The following METTL15 variants were observed in gnomAD, a reference collection of about 807,000 sequenced individuals.
METTL15 encodes 12S rRNA N(4)-cytidine methyltransferase METTL15.
METTL15 carries 34 observed loss-of-function variants against 38.3 expected under a neutral mutation model. That is an observed-to-expected ratio of 0.89 (90% CI 0.68 to 1.18). The LOEUF is 1.18. METTL15 is among the 50% of genes most tolerant of loss of function. The pLI is 0.00. For missense variants in METTL15, 438 were observed against 498.4 expected, an observed-to-expected ratio of 0.88 and a Z score of 1.15; for synonymous variants, 162 against 170.9, an observed-to-expected ratio of 0.95 and a Z score of 0.41.
At chr11:28,282,708 G>C (rs927048977) in intron 4 of METTL15, among the ~76,000 whole-genome samples, 1 of 151,786 alleles carries the variant, frequency 6.6e-6, no homozygotes, top group Non-Finnish European at 1.5e-5. Context: ...TCTTCCTTTG[G>C]AAAAACTTGG....
chr11:28,375,360 T>G (rs1850296647), intron 5 of METTL15, among the ~76,000 whole-genome samples: 1 of 151,916 alleles, frequency 6.6e-6, no homozygotes, highest in Admixed American at 6.6e-5. Context: ...TATTGGTCTA[T>G]TCAGAGATTC....
chr11:28,376,190 G>T (rs1850309695), intron 5 of METTL15, among the ~76,000 whole-genome samples: 1 of 151,836 alleles, frequency 6.6e-6, no homozygotes, highest in Admixed American at 6.6e-5. Context: ...GGTCCGCTTG[G>T]TGCAGAGCTG....
chr11:28,394,705 T>C (rs1261059225), intron 5 of METTL15, among the ~76,000 whole-genome samples: 2 of 152,134 alleles, frequency 1.3e-5, no homozygotes, highest in African/African-American at 2.4e-5. Context: ...TTCATCTTTT[T>C]AAAGACATTA....
At chr11:28,115,260 T>C (rs1851890298) in intron 3 of METTL15, among the ~76,000 whole-genome samples, 1 of 151,798 alleles carries the variant, frequency 6.6e-6, no homozygotes, top group Admixed American at 6.6e-5. Flanking sequence ...TTCTTTCTCG[T>C]TTTCTTTTTT....
intron 3 of METTL15, among the ~76,000 whole-genome samples, chr11:28,135,166 T>A (rs1157289573): frequency 6.6e-6 from 1 of 152,216 alleles, no homozygotes; most frequent in Non-Finnish European, 1.5e-5. Context: ...GAAGCATAAT[T>A]TTTCTTTCTT....
At chr11:28,377,841 A>C (rs1265371976) in intron 5 of METTL15, among the ~76,000 whole-genome samples, 1 of 151,294 alleles carries the variant, frequency 6.6e-6, no homozygotes, top group Non-Finnish European at 1.5e-5. Flanking sequence ...TTTGGTGTGG[A>C]TGTCCTTTCT....
chr11:28,245,798 C>G (rs1854485754), intron 4 of METTL15, among the ~76,000 whole-genome samples: 1 of 152,060 alleles, frequency 6.6e-6, no homozygotes, highest in Non-Finnish European at 1.5e-5. Flanking sequence ...CTTCACGTGG[C>G]TGGCAGGAAG....
chr11:28,197,738 A>T (rs968392574), intron 3 of METTL15, among the ~76,000 whole-genome samples: 1 of 152,092 alleles, frequency 6.6e-6, no homozygotes, highest in Non-Finnish European at 1.5e-5. Context: ...GCACACATAG[A>T]CACTCTGGGT....
intron 3 of METTL15, among the ~76,000 whole-genome samples, chr11:28,150,497 GA>G (rs1185034286): frequency 6.6e-6 from 1 of 151,714 alleles, no homozygotes; most frequent in Non-Finnish European, 1.5e-5. Flanking sequence ...ACACTGAGAA[GA>G]AAATTAAAAG....
intron 6 of METTL15, among the ~76,000 whole-genome samples, chr11:28,483,030 T>C (rs952940299): frequency 1.3e-5 from 2 of 150,528 alleles, no homozygotes; most frequent in African/African-American, 5.0e-5. Flanking sequence ...CATACTTCAG[T>C]GAACATGAAA....
intron 4 of METTL15, among the ~76,000 whole-genome samples, chr11:28,281,243 G>A (rs1167925297): frequency 6.6e-6 from 1 of 151,966 alleles, no homozygotes; most frequent in Non-Finnish European, 1.5e-5. Flanking sequence ...ATTTTTTGTT[G>A]ACCTTTCTAC....
intron 6 of METTL15, among the ~76,000 whole-genome samples, chr11:28,521,252 T>C (rs1016057309): frequency 9.2e-5 from 14 of 152,230 alleles, no homozygotes; most frequent in Non-Finnish European, 1.8e-4. Context: ...TCTTACTGGG[T>C]TTTATTGTGT....
intron 6 of METTL15, among the ~76,000 whole-genome samples, chr11:28,306,791 G>T (rs1469666776): frequency 6.6e-6 from 1 of 151,938 alleles, no homozygotes. Context: ...ATATTTTTGG[G>T]ACTGAGAGGG....
intron 6 of METTL15, among the ~76,000 whole-genome samples, chr11:28,307,608 C>A (rs1200846776): frequency 1.3e-5 from 2 of 151,888 alleles, no homozygotes; most frequent in African/African-American, 2.4e-5. Context: ...GTAAATCAGG[C>A]TAAATATGCC....
chr11:28,368,389 A>T (rs554854948), intron 5 of METTL15, among the ~76,000 whole-genome samples: 1 of 152,300 alleles, frequency 6.6e-6, no homozygotes, highest in Non-Finnish European at 1.5e-5. Context: ...CAGCCAACAG[A>T]CATACGAAAA....
At chr11:28,115,864 A>G (rs1851921643) in intron 3 of METTL15, among the ~76,000 whole-genome samples, 2 of 151,714 alleles carry the variant, frequency 1.3e-5, no homozygotes, top group Admixed American at 1.3e-4. Context: ...GTATACCCAT[A>G]CACATATATA....
chr11:28,268,509 ACT>A (rs1405781682), intron 4 of METTL15, among the ~76,000 whole-genome samples: 1 of 151,924 alleles, frequency 6.6e-6, no homozygotes, highest in Non-Finnish European at 1.5e-5. Context: ...TCTAATTTGT[ACT>A]CTCTTTAAGA....
At chr11:28,398,020 A>C (rs1850590459) in intron 5 of METTL15, among the ~76,000 whole-genome samples, 1 of 151,984 alleles carries the variant, frequency 6.6e-6, no homozygotes, top group Admixed American at 6.6e-5. Context: ...GTTCTCACTC[A>C]TAGATGGGAA....
chr11:28,209,214 C>G (rs919623873), intron 3 of METTL15, among the ~76,000 whole-genome samples: 1 of 151,874 alleles, frequency 6.6e-6, no homozygotes, highest in Non-Finnish European at 1.5e-5. Context: ...GTAATTGTAT[C>G]TAAATTGTTT....
Sources: gnomAD v4.1 joint callset for allele counts (sites outside exome capture counted in the v4.1 genomes callset) on GRCh38, gnomAD v4.1.1 for gene constraint, MANE v1.5 for transcripts, NCBI Gene and HGNC (gene_info 2026-07-23, HGNC 2026-07-21) for gene names.